The following FAT3 variants were observed in gnomAD, a reference collection of about 807,000 sequenced individuals.
The protein encoded by FAT3 is protocadherin Fat 3.
Under a neutral mutation model 310.2 loss-of-function variants are expected in FAT3, and 95 were observed. The observed-to-expected ratio is 0.31, with a 90% CI of 0.26 to 0.36. The LOEUF (loss-of-function observed/expected upper bound fraction) is 0.36. Ranked by LOEUF, FAT3 falls within the 10% of genes least tolerant of loss-of-function variation. FAT3 has a pLI of 1.00. For missense variants in FAT3, 5,408 were observed against 5,715.6 expected, an observed-to-expected ratio of 0.95 and a Z score of 1.74; for synonymous variants, 2,314 against 2,192.9, an observed-to-expected ratio of 1.06 and a Z score of -1.54.
intron 1 of FAT3, among the ~76,000 whole-genome samples, chr11:92,318,063 C>T (rs567366796): frequency 5.3e-5 from 8 of 152,160 alleles, no homozygotes; most frequent in African/African-American, 1.7e-4. Context: ...TAAAGTACTT[C>T]GTAAAGTATT....
At chr11:92,652,842 CT>C (rs1403726481) in intron 3 of FAT3, among the ~76,000 whole-genome samples, 2 of 152,188 alleles carry the variant, frequency 1.3e-5, no homozygotes, top group Non-Finnish European at 2.9e-5. Context: ...TGCTTCTGTC[CT>C]GCATTTGGGC....
chr11:92,323,927 T>G (rs1001596902), intron 1 of FAT3, among the ~76,000 whole-genome samples: 3 of 152,258 alleles, frequency 2.0e-5, no homozygotes, highest in African/African-American at 7.2e-5. Context: ...ATCAGTTGCT[T>G]CAGCGCTTGC....
intron 3 of FAT3, among the ~76,000 whole-genome samples, chr11:92,638,352 G>A (rs543197466): frequency 4.6e-5 from 7 of 152,116 alleles, no homozygotes; most frequent in Non-Finnish European, 1.0e-4. Flanking sequence ...TTTGTGTCTT[G>A]GGCATTCTTT....
intron 3 of FAT3, among the ~76,000 whole-genome samples, chr11:92,654,819 C>T (rs373113454): frequency 1.0e-3 from 152 of 152,286 alleles, no homozygotes; most frequent in Middle Eastern, 6.8e-3. Context: ...CAAGTCAGAT[C>T]ATATCAGTTC....
chr11:92,383,847 G>A (rs1949558876), intron 2 of FAT3, among the ~76,000 whole-genome samples: 3 of 151,608 alleles, frequency 2.0e-5, no homozygotes, highest in African/African-American at 7.2e-5. Context: ...ATTAAAAAGA[G>A]TGAGAGAGAG....
intron 7 of FAT3, among the ~76,000 whole-genome samples, chr11:92,782,785 A>G (rs1396883838): frequency 1.3e-5 from 2 of 152,146 alleles, no homozygotes; most frequent in Non-Finnish European, 2.9e-5. Context: ...CTTGACCTTC[A>G]ATGCTTTGAG....
rs765800473 is a variant in FAT3, at chr11:92,798,741, C to T, written c.5728C>T (p.Pro1910Ser). ...VEVLKVSATDPDSEVPPELTY... is the reference protein window; with the variant it reads ...VEVLKVSATDSDSEVPPELTY... The stretch of plus-strand genomic sequence containing the variant: ...GGTTCTGAAAGTTAGTGCCACAGAT[C>T]CTGACTCTGAGGTACCCCCTGAACT... The change falls in exon 10 of 28, where the codon CCT becomes TCT. Residue 1910 changes from proline (P) to serine (S), a missense_variant. Physicochemically the swap from Pro to Ser is moderately conservative, Grantham distance 74. Around this residue, in one of 5 missense-constraint regions of FAT3, gnomAD observed 4,588 missense variants for 4,809.8 expected, o/e 0.95. Transcript: ENST00000525166. 6.2e-7 allele frequency: 1 copy of T among 1,613,824 alleles called. No individual in the cohort carries two copies. Among genetic ancestry groups the T allele is most frequent in the Non-Finnish European group, 8.5e-7 (1 of 1,179,838 alleles).
intron 3 of FAT3, among the ~76,000 whole-genome samples, chr11:92,671,039 T>C (rs1235634981): frequency 6.6e-6 from 1 of 151,602 alleles, no homozygotes; most frequent in Non-Finnish European, 1.5e-5. Context: ...ACGGTTTTTG[T>C]TTTTTGTTTT....
chr11:92,883,448 G>C lies in FAT3; in HGVS notation c.12937+55G>C. 6.5e-7 allele frequency: 1 copy of C among 1,549,000 alleles called. No homozygotes were observed. On this transcript the variant is annotated intron_variant, in intron 24 of 27. Transcript: ENST00000525166. The surrounding 1 kb of genome is among the most constrained non-coding windows in gnomAD (Gnocchi z 4.2). ...CGGTGCTTACAGGGAACCTGCAGGG[G>C]CGCTGTGCGAGGACGCTACGGGAAG...
At chr11:92,632,413 G>T (rs113016101) in intron 3 of FAT3, among the ~76,000 whole-genome samples, 1 of 152,318 alleles carries the variant, frequency 6.6e-6, no homozygotes, top group African/African-American at 2.4e-5. Context: ...CAAAATGGCC[G>T]AGAGGCAGAC....
intron 2 of FAT3, among the ~76,000 whole-genome samples, chr11:92,371,133 T>C (rs1012782622): frequency 6.6e-6 from 1 of 152,226 alleles, no homozygotes; most frequent in Admixed American, 6.5e-5. Context: ...ACCCCGTAAA[T>C]CAGGCAGCAG....
At chr11:92,351,667 A>ATT (rs33991336) in intron 1 of FAT3, among the ~76,000 whole-genome samples, 12,498 of 150,024 alleles carry the variant, frequency 0.083, 951 homozygotes, top group African/African-American at 0.2. Flanking sequence ...GCATCTCTTC[A>ATT]TTTTTTTTTT....
chr11:92,375,800 A>G (rs1254626183), intron 2 of FAT3, among the ~76,000 whole-genome samples: 1 of 152,168 alleles, frequency 6.6e-6, no homozygotes, highest in African/African-American at 2.4e-5. Flanking sequence ...ACCATCCTTT[A>G]TGGTATTTTA....
chr11:92,362,831 T>C (rs748291631), intron 2 of FAT3, among the ~76,000 whole-genome samples: 82 of 152,226 alleles, frequency 5.4e-4, no homozygotes, highest in Non-Finnish European at 9.8e-4. Context: ...TAGCAATCTC[T>C]ACTGCAGTTT....
intron 2 of FAT3, among the ~76,000 whole-genome samples, chr11:92,522,518 T>C (rs1439013202): frequency 6.6e-6 from 1 of 152,126 alleles, no homozygotes; most frequent in Admixed American, 6.5e-5. Context: ...CCAGCTGGCA[T>C]GGCAGATTTC....
At chr11:92,262,805 G>C (rs531675831) in intron 1 of FAT3, among the ~76,000 whole-genome samples, 1 of 152,198 alleles carries the variant, frequency 6.6e-6, no homozygotes, top group African/African-American at 2.4e-5. Flanking sequence ...CCATGTGTCT[G>C]AATTTACAAC....
intron 13 of FAT3, among the ~76,000 whole-genome samples, chr11:92,814,640 A>C (rs1476988675): frequency 6.6e-6 from 1 of 152,212 alleles, no homozygotes; most frequent in Non-Finnish European, 1.5e-5. Flanking sequence ...ATAGTTGTTA[A>C]AGGGAACACA....
rs190424809 is a variant in FAT3 at position 92,487,830 on chromosome 11, C to G, written c.3293-36804C>G. ...ATCCATAGTCTGGACTAGTGATTCT[C>G]AAACATGAGCATGCACCACAGTCAT... On this transcript the variant is annotated intron_variant, in intron 2 of 27. Coordinates refer to ENST00000525166, the MANE Select transcript of FAT3 (RefSeq NM_001367949.2). Among the ~76,000 whole-genome samples the G allele has an allele frequency of 2.0e-5, 3 of 152,280 alleles. No homozygotes were observed. The East Asian group carries it at 5.8e-4, about 30-fold the overall frequency.
intron 4 of FAT3, among the ~76,000 whole-genome samples, chr11:92,760,132 G>T (rs1432311320): frequency 6.6e-6 from 1 of 152,186 alleles, no homozygotes; most frequent in Admixed American, 6.5e-5. Flanking sequence ...GGCACATTTT[G>T]GTCCCAATGT....
Sources: gnomAD v4.1 joint callset for allele counts (sites outside exome capture counted in the v4.1 genomes callset) on GRCh38, gnomAD v4.1.1 for gene constraint, gnomAD v4.1.1 regional missense constraint, Gnocchi (gnomAD v3.1) non-coding constraint, MANE v1.5 for transcripts, NCBI Gene and HGNC (gene_info 2026-07-23, HGNC 2026-07-21) for gene names.